The following SPDYA variants were observed in gnomAD, a reference collection of about 807,000 sequenced individuals.
The protein encoded by SPDYA is speedy protein A.
SPDYA carries 11 observed loss-of-function variants against 36.7 expected under a neutral mutation model. The ratio of observed to expected loss-of-function variants is 0.30; its 90% CI spans 0.19 to 0.50. SPDYA has a LOEUF of 0.50. Among genes scored for constraint, SPDYA ranks in the 20% least tolerant of loss-of-function variants. The pLI is 0.98. For synonymous variants in SPDYA, 115 were observed against 118.7 expected (o/e 0.97, Z 0.20); for missense variants, 287 against 370.9 (o/e 0.77, Z 1.86).
Position 28,844,630 on chromosome 2 carries a change from G to A in SPDYA, c.850+4161G>A, listed in dbSNP as rs143695708. On this transcript the variant is annotated intron_variant, in intron 7 of 7. Coordinates refer to ENST00000334056, the MANE Select transcript of SPDYA (RefSeq NM_182756.4). ...TGTTCGGTGGTTAGCTGTATTAAACGCATCTTTTTAAAAATATTTTTTGCT... is the reference window on the plus strand; with the variant it reads ...TGTTCGGTGGTTAGCTGTATTAAACACATCTTTTTAAAAATATTTTTTGCT... Among the ~76,000 whole-genome samples, 273 of 152,186 alleles carry A rather than the reference G, an allele frequency of 1.8e-3. 1 individual carries two copies. Among genetic ancestry groups the A allele is most frequent in the Non-Finnish European group, 2.4e-3 (162 of 68,012 alleles).
chr2:28,829,206 T>C lies in SPDYA; in HGVS notation c.439T>C (p.Trp147Arg). 1 of 1,613,980 alleles carries C rather than the reference T, an allele frequency of 6.2e-7. No homozygotes were observed. The highest frequency in any genetic ancestry group is 1.3e-5 in the African/African-American group (1 of 75,048). Residue 147 changes from tryptophan (W) to arginine (R), a missense_variant, in exon 6 of 8, where the codon TGG becomes CGG. Physicochemically the swap from Trp to Arg is moderately radical, Grantham distance 101. Transcript: ENST00000334056. ...AGAAACCAAGTACGAAATTTTTCCATGGGCTTTAGGGAAAAACTGGAGAAA... is the reference window on the plus strand; with the variant it reads ...AGAAACCAAGTACGAAATTTTTCCACGGGCTTTAGGGAAAAACTGGAGAAA... Reference protein sequence around the residue: ...EEETKYEIFPWALGKNWRKLF... With the variant: ...EEETKYEIFPRALGKNWRKLF...
At chr2:28,823,702 A>AATATATATATATATATATAT (rs1160889916) in intron 5 of SPDYA, among the ~76,000 whole-genome samples, 9 of 49,222 alleles carry the variant, frequency 1.8e-4, no homozygotes, top group Non-Finnish European at 2.6e-4. Flanking sequence ...GGAATGCATG[A>AATATATATATATATATATAT]ATATATATAT....
intron 4 of SPDYA, among the ~76,000 whole-genome samples, chr2:28,821,201 T>TC (rs1487911598): frequency 2.9e-5 from 4 of 136,816 alleles, no homozygotes; most frequent in Non-Finnish European, 3.2e-5. Context: ...CTTTTTCTTT[T>TC]TTTTTTTTTT....
At chr2:28,824,249 G>C in intron 5 of SPDYA, among the ~76,000 whole-genome samples, 1 of 151,762 alleles carries the variant, frequency 6.6e-6, no homozygotes, top group African/African-American at 2.4e-5. Flanking sequence ...AGGCTGGGGC[G>C]GAAGGATTGC....
At chr2:28,824,777 C>T (rs371302665) in intron 5 of SPDYA, among the ~76,000 whole-genome samples, 2 of 151,876 alleles carry the variant, frequency 1.3e-5, no homozygotes, top group South Asian at 2.1e-4. Flanking sequence ...TCTTGATCTC[C>T]TGACCTCATG....
intron 5 of SPDYA, among the ~76,000 whole-genome samples, chr2:28,826,664 GAGTGC>G (rs1260753486): frequency 7.9e-6 from 1 of 127,090 alleles, no homozygotes; most frequent in Non-Finnish European, 1.6e-5. Context: ...GCCCAGGCTG[GAGTGC>G]AGTGGTGTGA....
Position 28,840,329 on chromosome 2 carries a change from A to G in SPDYA, c.710A>G (p.Tyr237Cys), listed in dbSNP as rs1418669978. 1.2e-6 allele frequency: 2 copies of G among 1,611,114 alleles called. No individual in the cohort carries two copies. The highest frequency in any genetic ancestry group is 1.7e-6 in the Non-Finnish European group (2 of 1,178,754). Residue 237 changes from tyrosine to cysteine, a missense_variant, in exon 7 of 8, where the codon TAT becomes TGT. Physicochemically the swap from Tyr to Cys is radical, Grantham distance 194 (BLOSUM62 -2). Coordinates refer to ENST00000334056, the MANE Select transcript of SPDYA (RefSeq NM_182756.4). ...DCSLCGKKRR[Y>C]VRLGLSSSSS... ...TCACTCTGTGGTAAAAAAAGAAGAT[A>G]TGTTAGACTGGGATTGTCTTCATCA...
intron 1 of SPDYA, among the ~76,000 whole-genome samples, chr2:28,813,843 C>T (rs1345430639): frequency 1.3e-5 from 2 of 152,052 alleles, no homozygotes; most frequent in African/African-American, 2.4e-5. Context: ...TGAGCCACTG[C>T]GCCCGGCTCT....
intron 6 of SPDYA, among the ~76,000 whole-genome samples, chr2:28,836,187 G>A (rs1668596113): frequency 1.3e-5 from 2 of 152,310 alleles, no homozygotes; most frequent in East Asian, 3.9e-4. Flanking sequence ...TGAAACTGAG[G>A]ACCGAGGAGG....
intron 3 of SPDYA, among the ~76,000 whole-genome samples, chr2:28,817,285 G>A (rs530276226): frequency 6.6e-6 from 1 of 152,168 alleles, no homozygotes; most frequent in Non-Finnish European, 1.5e-5. Flanking sequence ...ATAGAGCCTG[G>A]GCGCGGTGGC....
intron 5 of SPDYA, among the ~76,000 whole-genome samples, chr2:28,824,043 A>G (rs61407258): frequency 0.58 from 87,379 of 150,540 alleles, 25,880 homozygotes; most frequent in African/African-American, 0.67. Context: ...CACCGCGCCC[A>G]GCCATATGAA....
chr2:28,822,457 C>G, intron 5 of SPDYA, 47 bp downstream of exon 5: 2 of 1,033,850 alleles, frequency 1.9e-6, no homozygotes, highest in Non-Finnish European at 2.8e-6. Context: ...CTATTATATA[C>G]ATTACACCTT....
chr2:28,821,496 C>T (rs979083248), intron 4 of SPDYA, among the ~76,000 whole-genome samples: 8 of 151,960 alleles, frequency 5.3e-5, no homozygotes, highest in African/African-American at 1.9e-4. Context: ...CCACTGCGCC[C>T]GTCAGGAAGT....
rs543734649 is a variant in SPDYA, at chr2:28,840,030, G to T, written c.553-142G>T. ...CTTTTTAGTAATATTGCCTTATCTG[G>T]AAGTGCTTTGTTTTTTAAATCAGCA... On this transcript the variant is annotated intron_variant, in intron 6 of 7. Transcript: ENST00000334056. 3.2e-4 allele frequency: 225 copies of T among 693,788 alleles called. 1 individual carries two copies. The African/African-American group carries it at 3.7e-3, about 11-fold the overall frequency. The allele number at this position is 693,788 out of a possible 1,614,324, so 43.0% of individuals were successfully genotyped here.
At chr2:28,844,659 C>T (rs575906216) in intron 7 of SPDYA, among the ~76,000 whole-genome samples, 18 of 152,108 alleles carry the variant, frequency 1.2e-4, no homozygotes, top group African/African-American at 2.7e-4. Flanking sequence ...TTTTGCTGGG[C>T]GCGGTGGCTC....
At chr2:28,815,228 G>A (rs1031054126) in intron 2 of SPDYA, among the ~76,000 whole-genome samples, 3 of 151,312 alleles carry the variant, frequency 2.0e-5, no homozygotes, top group African/African-American at 7.3e-5. Flanking sequence ...GCTGCAGTGA[G>A]CCGTAATCAT....
rs536390444 is a variant in SPDYA at position 28,823,944 on chromosome 2, A to C, written c.380+1534A>C. On this transcript the variant is annotated intron_variant, in intron 5 of 7. Transcript: ENST00000334056. ...GTGTTTTTAGTAGAGATGAGGTTTT[A>C]CCACGTTGGCCAGGCTGGTCTCGAA... Among the ~76,000 whole-genome samples the C allele has an allele frequency of 5.4e-5, 8 of 148,966 alleles. No individual in the cohort carries two copies. In the South Asian group the frequency reaches 1.3e-3, roughly 24 times the overall value.
In SPDYA at chr2:28,835,874, C is replaced by T. The variant is rs114450470; in HGVS notation, c.553-4298C>T. Among the ~76,000 whole-genome samples the T allele has an allele frequency of 4.5e-3, 681 of 152,338 alleles. 5 individuals carry two copies. Among genetic ancestry groups the T allele is most frequent in the African/African-American group, 0.016 (645 of 41,582 alleles). ...TACTTTATGAATAACACACCAAGTT[C>T]AGTGCCCTGGGAGTTTATTGTAAAG... On this transcript the variant is annotated intron_variant, in intron 6 of 7. Coordinates refer to ENST00000334056, the MANE Select transcript of SPDYA (RefSeq NM_182756.4).
Position 28,850,156 on chromosome 2 carries a change from G to T in SPDYA, c.*215G>T. 1 of 1,558,338 alleles carries T rather than the reference G, an allele frequency of 6.4e-7. No individual in the cohort carries two copies. Among genetic ancestry groups the T allele is most frequent in the South Asian group, 1.2e-5 (1 of 86,912 alleles). On this transcript the variant is annotated 3_prime_UTR_variant, in exon 8 of 8. Transcript: ENST00000334056. ...GATTTTCAATATAAAGTTCTATTTTGATATTTTTCCATCTTCAAGTCAGTT... is the reference window on the plus strand; with the variant it reads ...GATTTTCAATATAAAGTTCTATTTTTATATTTTTCCATCTTCAAGTCAGTT...
Sources: gnomAD v4.1 joint callset for allele counts (sites outside exome capture counted in the v4.1 genomes callset) on GRCh38, gnomAD v4.1.1 for gene constraint, MANE v1.5 for transcripts, NCBI Gene and HGNC (gene_info 2026-07-23, HGNC 2026-07-21) for gene names.